The following UQCC1 variants were observed in gnomAD, a reference collection of about 807,000 sequenced individuals.
UQCC1 encodes bFGF-repressed Zic-binding protein.
UQCC1 carries 38 observed loss-of-function variants against 48.0 expected under a neutral mutation model. The observed-to-expected ratio is 0.79, with a 90% CI of 0.61 to 1.04. The LOEUF (loss-of-function observed/expected upper bound fraction) is 1.04, where lower values mean the gene tolerates loss of function less well. Ranked by LOEUF, UQCC1 falls within the 50% of genes least tolerant of loss-of-function variation. The pLI is 0.00. For synonymous variants in UQCC1, 111 were observed against 129.2 expected (o/e 0.86, Z 0.95); for missense variants, 368 against 381.8 (o/e 0.96, Z 0.30).
chr20:35,369,051 A>G (rs1313657782), intron 5 of UQCC1, among the ~76,000 whole-genome samples: 1 of 152,244 alleles, frequency 6.6e-6, no homozygotes, highest in Non-Finnish European at 1.5e-5. Flanking sequence ...GGCTGCTTCT[A>G]AAGGACAATC....
At chr20:35,312,427 T>C (rs1441080575) in intron 8 of UQCC1, among the ~76,000 whole-genome samples, 1 of 152,172 alleles carries the variant, frequency 6.6e-6, no homozygotes, top group Non-Finnish European at 1.5e-5. Context: ...ACTCTTTGAC[T>C]ACCACATGCC....
intron 6 of UQCC1, among the ~76,000 whole-genome samples, chr20:35,359,709 G>A (rs931150777): frequency 1.3e-5 from 2 of 152,154 alleles, no homozygotes; most frequent in African/African-American, 2.4e-5. Context: ...CTGCTATGAA[G>A]GAATCCCAAA....
chr20:35,304,010 C>G lies in UQCC1; in HGVS notation c.825G>C (p.Trp275Cys), dbSNP rs772127617. 1 of 1,614,158 alleles carries G rather than the reference C, an allele frequency of 6.2e-7. No individual in the cohort carries two copies. Among genetic ancestry groups the G allele is most frequent in the Non-Finnish European group, 8.5e-7 (1 of 1,180,022 alleles). Residue 275 changes from tryptophan (W) to cysteine (C), a missense_variant, in exon 10 of 10, where the codon TGG (tryptophan) becomes TGC (cysteine). By Grantham distance (215) the Trp-to-Cys change is radical. Coordinates refer to ENST00000374385, the MANE Select transcript of UQCC1 (RefSeq NM_018244.5). The stretch of plus-strand genomic sequence containing the variant: ...GAGGATTCTTCTCCACTAGAGGGCG[C>G]CAGCTCACCTCCCCTGTCAGAAGCA... Reference protein sequence around the residue: ...EDLLLTGEVSWRPLVEKNPQS... With the variant: ...EDLLLTGEVSCRPLVEKNPQS...
intron 8 of UQCC1, among the ~76,000 whole-genome samples, chr20:35,312,747 GAT>G (rs1468844585): frequency 1.3e-5 from 2 of 152,184 alleles, no homozygotes; most frequent in East Asian, 3.8e-4. Flanking sequence ...GGAGAAAAAA[GAT>G]GAGATAGATG....
intron 8 of UQCC1, among the ~76,000 whole-genome samples, chr20:35,314,034 G>A (rs539195375): frequency 1.3e-4 from 19 of 151,752 alleles, no homozygotes; most frequent in Non-Finnish European, 2.5e-4. Flanking sequence ...GCATGATCTC[G>A]GCTCACTGCA....
chr20:35,338,856 GAAAAAAAAAAAAAA>G (rs1172467457), intron 7 of UQCC1, among the ~76,000 whole-genome samples: 12 of 26,844 alleles, frequency 4.5e-4, no homozygotes, highest in South Asian at 1.9e-3. Context: ...CGTCTCAAAA[GAAAAAAAAAAAAAA>G]AAAAAAAAAA....
intron 4 of UQCC1, among the ~76,000 whole-genome samples, chr20:35,378,379 C>T (rs776340057): frequency 1.2e-4 from 18 of 151,976 alleles, no homozygotes; most frequent in African/African-American, 4.1e-4. Context: ...TTTGAGAGGC[C>T]GAGGTGGGCG....
chr20:35,343,030 CACT>C (rs1250621206), intron 7 of UQCC1, among the ~76,000 whole-genome samples: 1 of 152,148 alleles, frequency 6.6e-6, no homozygotes, highest in Non-Finnish European at 1.5e-5. Context: ...TATTATTCAT[CACT>C]AACTCGAAAG....
At chr20:35,399,925 C>CTTTTT (rs1227064253) in intron 1 of UQCC1, among the ~76,000 whole-genome samples, 1 of 119,602 alleles carries the variant, frequency 8.4e-6, no homozygotes, top group Non-Finnish European at 1.7e-5. Context: ...CTACTCAGTC[C>CTTTTT]TTTTTTTTTT....
At chr20:35,409,475 A>G (rs1241064242) in intron 1 of UQCC1, 3 of 179,012 alleles carry the variant, frequency 1.7e-5, no homozygotes, top group East Asian at 1.5e-4. Flanking sequence ...CGTCTCAGAA[A>G]AAAAAAAAAA....
At chr20:35,383,305 T>A (rs1023033910) in intron 3 of UQCC1, among the ~76,000 whole-genome samples, 1 of 152,184 alleles carries the variant, frequency 6.6e-6, no homozygotes, top group Non-Finnish European at 1.5e-5. Context: ...AAGTTAAATA[T>A]CACTTTATTT....
intron 5 of UQCC1, among the ~76,000 whole-genome samples, chr20:35,371,622 G>T (rs755937210): frequency 6.8e-6 from 1 of 146,780 alleles, no homozygotes; most frequent in African/African-American, 2.5e-5. Context: ...GTGAGCCACC[G>T]CGCCCAGCCT....
intron 7 of UQCC1, among the ~76,000 whole-genome samples, chr20:35,323,524 C>T (rs531740609): frequency 6.6e-6 from 1 of 152,122 alleles, no homozygotes; most frequent in Admixed American, 6.5e-5. Flanking sequence ...GTTTTCTCCC[C>T]TCATTTATTT....
rs751393718 is a variant in UQCC1, at chr20:35,347,185, C to G, written c.552G>C (p.Gln184His). The stretch of plus-strand genomic sequence containing the variant: ...TTACCCCCATGACTCTGCCGCGCTG[C>G]TGAACATCCTCCCACATAAAATGAA... ...IIVHFMWEDV[Q>H]QRGRVMGVNP... Residue 184 changes from glutamine (Q) to histidine (H), a missense_variant, in exon 7 of 10, where the codon CAG becomes CAC. By Grantham distance (24) the Gln-to-His change is conservative. Coordinates refer to ENST00000374385, the MANE Select transcript of UQCC1 (RefSeq NM_018244.5). 2 of 1,614,194 alleles carry G rather than the reference C, an allele frequency of 1.2e-6. No homozygotes were observed. Among genetic ancestry groups the G allele is most frequent in the Non-Finnish European group, 1.7e-6 (2 of 1,180,026 alleles).
chr20:35,315,810 T>C (rs1160170761), intron 7 of UQCC1, among the ~76,000 whole-genome samples: 2 of 152,088 alleles, frequency 1.3e-5, no homozygotes, highest in Non-Finnish European at 1.5e-5. Flanking sequence ...CACTTGAGCC[T>C]GGGAGGCCGA....
chr20:35,342,337 C>T (rs1332930017), intron 7 of UQCC1, among the ~76,000 whole-genome samples: 1 of 152,222 alleles, frequency 6.6e-6, no homozygotes, highest in Non-Finnish European at 1.5e-5. Flanking sequence ...TTTAGCCAGC[C>T]TAAGGTTACC....
chr20:35,377,595 C>T (rs1379109800), intron 4 of UQCC1, among the ~76,000 whole-genome samples: 2 of 152,196 alleles, frequency 1.3e-5, no homozygotes, highest in African/African-American at 2.4e-5. Context: ...AGACAAAAAT[C>T]TCTACTCTCA....
intron 7 of UQCC1, 115 bp downstream of exon 7, chr20:35,347,046 ATAT>A: frequency 6.2e-7 from 1 of 1,608,254 alleles, no homozygotes; most frequent in South Asian, 1.1e-5. Context: ...CTGCCACTTG[ATAT>A]TAGGCAGCAT....
At chr20:35,408,573 C>G (rs1307818863) in intron 1 of UQCC1, among the ~76,000 whole-genome samples, 2 of 152,178 alleles carry the variant, frequency 1.3e-5, no homozygotes, top group Admixed American at 1.3e-4. Flanking sequence ...ATTAAACAGG[C>G]TGGACATAGT....
Sources: gnomAD v4.1 joint callset for allele counts (sites outside exome capture counted in the v4.1 genomes callset) on GRCh38, gnomAD v4.1.1 for gene constraint, MANE v1.5 for transcripts, NCBI Gene and HGNC (gene_info 2026-07-23, HGNC 2026-07-21) for gene names.